USF1: variants seen among roughly 807,000 people sequenced by gnomAD.
The protein encoded by USF1 is upstream transcription factor 1.
In USF1, 22 loss-of-function variants were observed where a neutral mutation model predicts 46.3. The ratio of observed to expected loss-of-function variants is 0.47; its 90% CI spans 0.34 to 0.68. The LOEUF is 0.68. USF1 is among the 30% of genes least tolerant of loss of function. USF1 has a pLI of 0.01. For synonymous variants in USF1, 150 were observed against 147.0 expected, an observed-to-expected ratio of 1.02 and a Z score of -0.15; for missense variants, 287 against 399.3, an observed-to-expected ratio of 0.72 and a Z score of 2.40.
intron 4 of USF1, 78 bp downstream of exon 4, chr1:161,042,477 C>A (rs1650608174): frequency 6.7e-7 from 1 of 1,503,412 alleles, no homozygotes; most frequent in Non-Finnish European, 9.1e-7. Flanking sequence ...CAAGCCAGGT[C>A]TCCCCAAGAC....
chr1:161,043,475 G>C (rs778015030), intron 1 of USF1, 115 bp from the exon 2 acceptor site: 2 of 749,914 alleles, frequency 2.7e-6, no homozygotes, highest in Non-Finnish European at 4.3e-6. Context: ...ATCTGCAGGG[G>C]ACAATCAGCC....
rs1650502620 is a variant in USF1 at position 161,040,492 on chromosome 1, G to C, written c.714+84C>G. ...GGGAGAGATAAGACTACTGTCATGT[G>C]TGCCCCTCTCTCTACCATTTCTGGA... is the stretch of plus-strand genomic sequence containing the variant. On this transcript the variant is annotated intron_variant, in intron 9 of 10. Transcript: ENST00000368021. The surrounding 1 kb of genome is among the most constrained non-coding windows in gnomAD (Gnocchi z 4.0). 1 of 1,563,554 alleles carries C rather than the reference G, an allele frequency of 6.4e-7. No homozygotes were observed. Among genetic ancestry groups the C allele is most frequent in the South Asian group, 1.2e-5 (1 of 86,344 alleles).
chr1:161,045,553 C>T (rs903123099), intron 1 of USF1, among the ~76,000 whole-genome samples: 10 of 152,222 alleles, frequency 6.6e-5, no homozygotes, highest in Non-Finnish European at 1.5e-4. Flanking sequence ...GCCCCGCGCC[C>T]CAGCTGCTCC....
In USF1 at chr1:161,042,252, G is replaced by A. The variant is rs752159263; in HGVS notation, c.175-35C>T. 68 of 1,580,330 alleles carry A rather than the reference G, an allele frequency of 4.3e-5. No homozygotes were observed. The South Asian group carries it at 6.1e-4, about 14-fold the overall frequency. On this transcript the variant is annotated intron_variant, in intron 4 of 10. Coordinates refer to ENST00000368021, the MANE Select transcript of USF1 (RefSeq NM_007122.5). ...TAGAGGAAGGCAGAGGGAGTGAAGA[G>A]AGAAGAAAAGATTAAGTGTTGGGAA...
At position 161,041,721 on chromosome 1, in the gene USF1, C is replaced by G; in HGVS notation, c.402G>C (p.Gly134=). 4 of 1,614,092 alleles carry G rather than the reference C, an allele frequency of 2.5e-6. No individual in the cohort carries two copies. The South Asian group carries it at 3.3e-5, about 13-fold the overall frequency. Residue 134 remains glycine, a synonymous_variant, in exon 6 of 11, where the codon GGG becomes GGC. Coordinates refer to ENST00000368021, the MANE Select transcript of USF1 (RefSeq NM_007122.5). ...GGGTAGTAACAACAGCAGCTGTACT[C>G]CCCGATGTGGTACCCCCTGCCCCAT... ...VGDGAGGTTS[G]STAAVVTTQG... is the part of the protein sequence containing the mutation.
In USF1 at chr1:161,042,827, A is replaced by G; in HGVS notation, c.58+6T>C. On this transcript the variant is annotated splice_donor_region_variant and intron_variant, in intron 3 of 10. Coordinates refer to ENST00000368021, the MANE Select transcript of USF1 (RefSeq NM_007122.5). ...TCTTAGTCTTGGTTCTGTTTCTAGCACTCACCTTCCTGAATCTGCACTGTC... is the reference window on the plus strand; with the variant it reads ...TCTTAGTCTTGGTTCTGTTTCTAGCGCTCACCTTCCTGAATCTGCACTGTC... 1 of 1,613,992 alleles carries G rather than the reference A, an allele frequency of 6.2e-7. No individual in the cohort carries two copies.
At chr1:161,042,936 C>A in intron 2 of USF1, 54 bp from the exon 3 acceptor site, 2 of 1,611,760 alleles carry the variant, frequency 1.2e-6, no homozygotes, top group Non-Finnish European at 1.7e-6. Flanking sequence ...CAATGAGAAG[C>A]TCACTGGCCC....
chr1:161,043,910 C>G (rs1571051981), intron 1 of USF1, among the ~76,000 whole-genome samples: 1 of 149,056 alleles, frequency 6.7e-6, no homozygotes, highest in Non-Finnish European at 1.5e-5. Flanking sequence ...CAGGTGTGAG[C>G]CACTGCACCT....
At chr1:161,042,008 G>C (rs781338230) in intron 5 of USF1, 108 bp downstream of exon 5, 32 of 1,370,100 alleles carry the variant, frequency 2.3e-5, no homozygotes, top group Non-Finnish European at 2.8e-5. Flanking sequence ...TTTGGGACAA[G>C]GCAGCCTTAG....
At position 161,039,272 on chromosome 1, in the gene USF1, T is replaced by TAAAAAAAAAAAAAAAAAAA. The variant is rs748404757; in HGVS notation, c.*629_*647dup. On this transcript the variant is annotated 3_prime_UTR_variant, in exon 11 of 11. Transcript: ENST00000368021. Reference sequence around the variant, plus strand: ...ACTGTGGCTTTGAACAATTTTATCTTAAAAAAAAAAAAAAAAAAAAAAAAA... The same window carrying TAAAAAAAAAAAAAAAAAAA: ...ACTGTGGCTTTGAACAATTTTATCTTAAAAAAAAAAAAAAAAAAAAAAAAAAAAAAAAAAAAAAAAAAAA... 9 of 59,218 alleles carry TAAAAAAAAAAAAAAAAAAA rather than the reference T, an allele frequency of 1.5e-4. No individual in the cohort carries two copies. Among genetic ancestry groups the TAAAAAAAAAAAAAAAAAAA allele is most frequent in the South Asian group, 7.8e-4 (1 of 1,274 alleles). 3.7% of individuals were successfully genotyped at this position (59,218 alleles called of 1,614,324 possible). A position where few individuals can be genotyped will look rare whatever the true frequency, so the allele number is the denominator to read the frequency against.
chr1:161,044,466 C>A (rs1650713441), intron 1 of USF1, among the ~76,000 whole-genome samples: 1 of 152,198 alleles, frequency 6.6e-6, no homozygotes, highest in Non-Finnish European at 1.5e-5. Context: ...GGAAGAATAT[C>A]CCTGACCACA....
intron 5 of USF1, 115 bp downstream of exon 5, chr1:161,042,001 G>T: frequency 7.4e-7 from 1 of 1,346,364 alleles, no homozygotes; most frequent in Non-Finnish European, 1.0e-6. Flanking sequence ...CTAGTGCTTT[G>T]GGACAAGGCA....
At chr1:161,044,549 T>C (rs974185129) in intron 1 of USF1, among the ~76,000 whole-genome samples, 2 of 152,214 alleles carry the variant, frequency 1.3e-5, no homozygotes, top group African/African-American at 4.8e-5. Context: ...ATTTATATAA[T>C]CTGTTAGAAA....
Position 161,040,921 on chromosome 1 carries a change from T to C in USF1, c.561-49A>G, listed in dbSNP as rs575135490. On this transcript the variant is annotated intron_variant, in intron 7 of 10. Coordinates refer to ENST00000368021, the MANE Select transcript of USF1 (RefSeq NM_007122.5). The surrounding 1 kb of genome is among the most constrained non-coding windows in gnomAD (Gnocchi z 4.0). ...CAGAGTAAGAAGACAAAATACATGA[T>C]TGAAGTTTGGGGTTAAGGAATTATA... The C allele has an allele frequency of 8.6e-5, 138 of 1,611,846 alleles. No homozygotes were observed. The South Asian group carries it at 9.7e-4, about 11-fold the overall frequency.
In USF1 at chr1:161,040,005, T is replaced by C; in HGVS notation, c.848A>G (p.Glu283Gly). The C allele has an allele frequency of 6.2e-7, 1 of 1,614,164 alleles. No individual in the cohort carries two copies. The highest frequency in any genetic ancestry group is 8.5e-7 in the Non-Finnish European group (1 of 1,180,018). Residue 283 changes from glutamate (E) to glycine (G), a missense_variant, in exon 11 of 11, where the codon GAA becomes GGA. By Grantham distance (98) the Glu-to-Gly change is moderately conservative. Transcript: ENST00000368021. The surrounding 1 kb of genome is among the most constrained non-coding windows in gnomAD (Gnocchi z 4.0). ...CAGCAGATTCTTGTTTTTAAGATCT[T>C]CCACCTGACATGGGAAGGAGGCAGT... ...LDNDVLRQQV[E>G]DLKNKNLLLR...
chr1:161,041,514 G>T, intron 6 of USF1, 103 bp from the exon 7 acceptor site: 2 of 1,487,180 alleles, frequency 1.3e-6, no homozygotes, highest in Non-Finnish European at 1.8e-6. Flanking sequence ...CATGCTAATA[G>T]AAGAGCAGCC....
Position 161,040,082 on chromosome 1 carries a change from A to T in USF1, c.844-73T>A, listed in dbSNP as rs781622793. Reference sequence around the variant, plus strand: ...CTTCCAAGCCCCTGAATGTATTCAGACATCCACTGGTGAGGGGGAAAAGAT... The same window carrying T: ...CTTCCAAGCCCCTGAATGTATTCAGTCATCCACTGGTGAGGGGGAAAAGAT... On this transcript the variant is annotated intron_variant, in intron 10 of 10. Transcript: ENST00000368021. This position sits in a 1 kb window ranked among gnomAD's most constrained non-coding sequence, Gnocchi z 4.0. The T allele has an allele frequency of 1.2e-5, 20 of 1,611,592 alleles. No homozygotes were observed.
In USF1 at chr1:161,043,943, C is replaced by CTTT. The variant is rs58205070; in HGVS notation, c.-85-586_-85-584dup. The stretch of plus-strand genomic sequence containing the variant: ...CCTGGCCGAAACAACACATTTCTTT[C>CTTT]TTTTTTTTTTTTTTTTTTCTGAGAC... On this transcript the variant is annotated intron_variant, in intron 1 of 10. Transcript: ENST00000368021. 1.1e-3 allele frequency among the ~76,000 whole-genome samples: 116 copies of CTTT among 110,286 alleles called. 4 individuals carry two copies. The highest frequency in any genetic ancestry group is 2.1e-3 in the Admixed American group (21 of 10,004). The allele number at this position is 110,286 out of a possible 152,430, so 72.4% of individuals were successfully genotyped here. A position where few individuals can be genotyped will look rare whatever the true frequency, so the allele number is the denominator to read the frequency against.
intron 7 of USF1, 51 bp downstream of exon 7, chr1:161,041,261 CAAAAAAAAAAAA>C (rs1181304214): frequency 1.0e-4 from 67 of 668,632 alleles, no homozygotes; most frequent in Admixed American, 8.7e-4. Context: ...GACTCTGTCT[CAAAAAAAAAAAA>C]AAAAAAAAAA....
Sources: gnomAD v4.1 joint callset for allele counts (sites outside exome capture counted in the v4.1 genomes callset) on GRCh38, gnomAD v4.1.1 for gene constraint, Gnocchi (gnomAD v3.1) non-coding constraint, MANE v1.5 for transcripts, NCBI Gene and HGNC (gene_info 2026-07-23, HGNC 2026-07-21) for gene names.